YOD1: variants seen among roughly 807,000 people sequenced by gnomAD.
YOD1 encodes ubiquitin thioesterase OTU1.
YOD1 carries 17 observed loss-of-function variants against 23.7 expected under a neutral mutation model. The ratio of observed to expected loss-of-function variants is 0.72; its 90% confidence interval spans 0.49 to 1.07. The LOEUF is 1.07. Ranked by LOEUF, YOD1 falls within the 50% of genes least tolerant of loss-of-function variation. The probability of loss-of-function intolerance (pLI) is 0.00; values close to 1 mark genes in which losing one functional copy is unlikely to be tolerated. For missense variants in YOD1, 413 were observed against 447.2 expected, an observed-to-expected ratio of 0.92 and a Z score of 0.69; for synonymous variants, 191 against 169.6, an observed-to-expected ratio of 1.13 and a Z score of -0.98.
Position 207,048,992 on chromosome 1 carries a change from T to G in YOD1, c.*28A>C, listed in dbSNP as rs1172037114. 1 of 1,590,192 alleles carries G rather than the reference T, an allele frequency of 6.3e-7. No individual in the cohort carries two copies. The highest frequency in any genetic ancestry group is 2.2e-5 in the East Asian group (1 of 44,732). On this transcript the variant is annotated 3_prime_UTR_variant, in exon 2 of 2. Transcript: ENST00000315927. ...AGAGCCTTCTGGATGTGTGAGGTAG[T>G]AGGCTTCAACCCTCATTCATGCATA...
upstream of YOD1, chr1:207,052,125 G>A: frequency 6.7e-7 from 1 of 1,483,370 alleles, no homozygotes; most frequent in Non-Finnish European, 9.4e-7. Flanking sequence ...GGTTTATCAA[G>A]CATCAAACGG....
rs968098396 is a variant in YOD1, at chr1:207,048,579, A to G, written c.*441T>C. The G allele has an allele frequency of 6.3e-6, 1 of 159,442 alleles. No individual in the cohort carries two copies. The highest frequency in any genetic ancestry group is 2.4e-5 in the African/African-American group (1 of 41,490). The allele number at this position is 159,442 out of a possible 1,614,324, so 9.9% of individuals were successfully genotyped here. A position where few individuals can be genotyped will look rare whatever the true frequency, so the allele number is the denominator to read the frequency against. ...GGCCTTCCACATTACCCAAAATGTG[A>G]TGCTTTCTTCTACAAGTTAAAGCTG... On this transcript the variant is annotated 3_prime_UTR_variant, in exon 2 of 2. Coordinates refer to ENST00000315927, the MANE Select transcript of YOD1 (RefSeq NM_018566.4).
upstream of YOD1, among the ~76,000 whole-genome samples, chr1:207,051,306 C>G (rs1004868509): frequency 5.9e-5 from 9 of 152,112 alleles, no homozygotes; most frequent in Non-Finnish European, 8.8e-5. Context: ...TGACCTTGCA[C>G]TTAGTGAGGT....
rs1028026619 is a variant in YOD1 at position 207,051,064 on chromosome 1, A to C, written c.-34T>G. On this transcript the variant is annotated 5_prime_UTR_variant, in exon 1 of 2. Transcript: ENST00000315927. The stretch of plus-strand genomic sequence containing the variant: ...GTTGCGGGTGGTTGCAGTTATCGCG[A>C]CGCTTCGGTGCGGCTTCTGCCTTAG... The C allele has an allele frequency of 1.6e-5, 24 of 1,470,566 alleles. No individual in the cohort carries two copies. Among genetic ancestry groups the C allele is most frequent in the Non-Finnish European group, 2.2e-5 (24 of 1,113,908 alleles). The allele number at this position is 1,470,566 out of a possible 1,614,324, so 91.1% of individuals were successfully genotyped here.
At chr1:207,049,993 A>C (rs1303633754) in intron 1 of YOD1, among the ~76,000 whole-genome samples, 1 of 152,228 alleles carries the variant, frequency 6.6e-6, no homozygotes, top group Non-Finnish European at 1.5e-5. Context: ...CTAAAAAGAT[A>C]CATTTCAAAA....
rs1010114893 is a variant in YOD1, at chr1:207,051,110, CTT to C, written c.-82_-81del. 11 of 1,428,370 alleles carry C rather than the reference CTT, an allele frequency of 7.7e-6. No individual in the cohort carries two copies. Among genetic ancestry groups the C allele is most frequent in the South Asian group, 6.0e-5 (4 of 66,718 alleles). 88.5% of individuals were successfully genotyped at this position (1,428,370 alleles called of 1,614,324 possible). A position where few individuals can be genotyped will look rare whatever the true frequency, so the allele number is the denominator to read the frequency against. On this transcript the variant is annotated 5_prime_UTR_variant, in exon 1 of 2. Coordinates refer to ENST00000315927, the MANE Select transcript of YOD1 (RefSeq NM_018566.4). ...CTTAGTACCTTAGCAAGCGCGAACT[CTT>C]TTAAAGTGACAACTGATTTTTCCCC...
At position 207,048,019 on chromosome 1, in the gene YOD1, T is replaced by A. The variant is rs1359186589; in HGVS notation, c.*1001A>T. On this transcript the variant is annotated 3_prime_UTR_variant, in exon 2 of 2. Transcript: ENST00000315927. ...GCAGAGCATTATTACTTGAAAAAAA[T>A]TTTTTGGAGGAAGTGCTCTTAACAA... 2 of 152,232 alleles carry A rather than the reference T, an allele frequency of 1.3e-5. No homozygotes were observed. Among genetic ancestry groups the A allele is most frequent in the Non-Finnish European group, 2.9e-5 (2 of 67,980 alleles). 9.4% of individuals were successfully genotyped at this position (152,232 alleles called of 1,614,324 possible).
chr1:207,050,562 C>T, intron 1 of YOD1, 126 bp downstream of exon 1: 1 of 1,267,300 alleles, frequency 7.9e-7, no homozygotes, highest in Non-Finnish European at 1.1e-6. Flanking sequence ...TTGATCTATC[C>T]TCGCCCCTGG....
chr1:207,045,381 CA>C lies in YOD1; in HGVS notation c.*3638del, dbSNP rs1224096629. 1 of 152,464 alleles carries C rather than the reference CA, an allele frequency of 6.6e-6. No individual in the cohort carries two copies. Among genetic ancestry groups the C allele is most frequent in the East Asian group, 1.9e-4 (1 of 5,182 alleles). 9.4% of individuals were successfully genotyped at this position (152,464 alleles called of 1,614,324 possible). On this transcript the variant is annotated 3_prime_UTR_variant, in exon 2 of 2. Coordinates refer to ENST00000315927, the MANE Select transcript of YOD1 (RefSeq NM_018566.4). Reference sequence around the variant, plus strand: ...TTATCAAAACACCAGAATGTTGTGCCAATAGATACACTCTACACTGATGGCA... The same window carrying C: ...TTATCAAAACACCAGAATGTTGTGCCATAGATACACTCTACACTGATGGCA...
Position 207,051,176 on chromosome 1 carries a change from A to G in YOD1, c.-146T>C. The G allele has an allele frequency of 1.4e-6, 2 of 1,401,114 alleles. No homozygotes were observed. The highest frequency in any genetic ancestry group is 1.6e-5 in the South Asian group (1 of 62,866). The allele number at this position is 1,401,114 out of a possible 1,614,324, so 86.8% of individuals were successfully genotyped here. A position where few individuals can be genotyped will look rare whatever the true frequency, so the allele number is the denominator to read the frequency against. ...AAGATGTAAACCTCCGTATTCCTAA[A>G]GGACAACGGGTCTTGCTACCTATAG... is the stretch of plus-strand genomic sequence containing the variant. On this transcript the variant is annotated 5_prime_UTR_variant, in exon 1 of 2. Transcript: ENST00000315927.
Position 207,050,774 on chromosome 1 carries a change from C to A in YOD1, c.257G>T (p.Gly86Val), listed in dbSNP as rs770934117. ...IAAITGIAPGGQRILVGYPPE... is the reference protein window; with the variant it reads ...IAAITGIAPGVQRILVGYPPE... ...AGGGTATCCGACGAGGATTCGCTGA[C>A]CGCCGGGGGCGATCCCGGTGATGGC... is the stretch of plus-strand genomic sequence containing the variant. Residue 86 changes from glycine (G) to valine (V), a missense_variant, in exon 1 of 2, where the codon GGT (glycine) becomes GTT (valine). Coordinates refer to ENST00000315927, the MANE Select transcript of YOD1 (RefSeq NM_018566.4). 5 of 1,613,444 alleles carry A rather than the reference C, an allele frequency of 3.1e-6. No homozygotes were observed. Among genetic ancestry groups the A allele is most frequent in the Non-Finnish European group, 4.2e-6 (5 of 1,180,024 alleles).
At chr1:207,050,085 A>C (rs1292151508) in intron 1 of YOD1, among the ~76,000 whole-genome samples, 1 of 152,204 alleles carries the variant, frequency 6.6e-6, no homozygotes, top group African/African-American at 2.4e-5. Flanking sequence ...CCTTCTCCGG[A>C]AACTTATCTA....
Position 207,048,756 on chromosome 1 carries a change from G to C in YOD1, c.*264C>G. ...ACTCAATCTCAACCTTCAGGTCAGT[G>C]TCAGTAGGTGGCAAGGATCACCTAT... On this transcript the variant is annotated 3_prime_UTR_variant, in exon 2 of 2. Transcript: ENST00000315927. The C allele has an allele frequency of 4.7e-6, 2 of 429,234 alleles. No homozygotes were observed. The highest frequency in any genetic ancestry group is 5.9e-5 in the South Asian group (2 of 33,866). The allele number at this position is 429,234 out of a possible 1,614,324, so 26.6% of individuals were successfully genotyped here.
In YOD1 at chr1:207,049,567, T is replaced by C. The variant is rs772028326; in HGVS notation, c.500A>G (p.Tyr167Cys). The C allele has an allele frequency of 3.7e-6, 6 of 1,614,074 alleles. No individual in the cohort carries two copies. In the African/African-American group the frequency reaches 5.3e-5, roughly 14 times the overall value. ...DNSCLFTSVY[Y>C]VVEGGVLNPA... ...ATTCAAGACTCCTCCTTCGACGACA[T>C]AGTACACACTAGTAAAGAGGCAAGA... The change falls in exon 2 of 2, where the codon TAT becomes TGT. Residue 167 changes from tyrosine to cysteine, a missense_variant. Coordinates refer to ENST00000315927, the MANE Select transcript of YOD1 (RefSeq NM_018566.4).
chr1:207,050,108 T>C (rs1437064010), intron 1 of YOD1, among the ~76,000 whole-genome samples: 6 of 152,220 alleles, frequency 3.9e-5, no homozygotes, highest in African/African-American at 1.2e-4. Context: ...CTAGAGTGTT[T>C]ACAACATCCT....
chr1:207,051,638 G>A (rs1025069680), upstream of YOD1, among the ~76,000 whole-genome samples: 3 of 152,186 alleles, frequency 2.0e-5, no homozygotes, highest in Non-Finnish European at 4.4e-5. Flanking sequence ...AGGAGGAGTC[G>A]TGTAACGCGT....
chr1:207,048,755 T>C lies in YOD1; in HGVS notation c.*265A>G, dbSNP rs879356428. On this transcript the variant is annotated 3_prime_UTR_variant, in exon 2 of 2. Transcript: ENST00000315927. ...TACTCAATCTCAACCTTCAGGTCAG[T>C]GTCAGTAGGTGGCAAGGATCACCTA... 7 of 425,384 alleles carry C rather than the reference T, an allele frequency of 1.6e-5. No individual in the cohort carries two copies. Among genetic ancestry groups the C allele is most frequent in the Non-Finnish European group, 3.0e-5 (7 of 234,770 alleles). The allele number at this position is 425,384 out of a possible 1,614,324, so 26.4% of individuals were successfully genotyped here.
At chr1:207,052,093 C>T, upstream of YOD1, 1 of 1,064,474 alleles carries the variant, frequency 9.4e-7, no homozygotes, top group Non-Finnish European at 1.4e-6. Flanking sequence ...ATTCAGACAG[C>T]AAGTCCCACT....
Position 207,048,559 on chromosome 1 carries a change from T to TCCA in YOD1, c.*458_*460dup, listed in dbSNP as rs1414124682. On this transcript the variant is annotated 3_prime_UTR_variant, in exon 2 of 2. Coordinates refer to ENST00000315927, the MANE Select transcript of YOD1 (RefSeq NM_018566.4). Reference sequence around the variant, plus strand: ...TGTCCAGTGGACTCACAGGAGGCCTTCCACATTACCCAAAATGTGATGCTT... The same window carrying TCCA: ...TGTCCAGTGGACTCACAGGAGGCCTTCCACCACATTACCCAAAATGTGATGCTT... 6.4e-6 allele frequency: 1 copy of TCCA among 157,450 alleles called. No homozygotes were observed. Among genetic ancestry groups the TCCA allele is most frequent in the African/African-American group, 2.4e-5 (1 of 41,502 alleles). 9.8% of individuals were successfully genotyped at this position (157,450 alleles called of 1,614,324 possible). A position where few individuals can be genotyped will look rare whatever the true frequency, so the allele number is the denominator to read the frequency against.
Sources: gnomAD v4.1 joint callset for allele counts (sites outside exome capture counted in the v4.1 genomes callset) on GRCh38, gnomAD v4.1.1 for gene constraint, MANE v1.5 for transcripts, NCBI Gene and HGNC (gene_info 2026-07-23, HGNC 2026-07-21) for gene names.